The following BLNK variants were observed in gnomAD, a reference collection of about 807,000 sequenced individuals.
BLNK encodes the protein B cell linker.
A neutral mutation model predicts 73.5 loss-of-function variants in BLNK; 29 were observed. The ratio of observed to expected loss-of-function variants is 0.39; its 90% CI spans 0.29 to 0.54. The LOEUF (loss-of-function observed/expected upper bound fraction) is 0.54. Among genes scored for constraint, BLNK ranks in the 20% least tolerant of loss-of-function variants. The pLI is 0.61. For synonymous variants in BLNK, 176 were observed against 200.8 expected, an observed-to-expected ratio of 0.88 and a Z score of 1.04; for missense variants, 460 against 562.8, an observed-to-expected ratio of 0.82 and a Z score of 1.85.
At chr10:96,210,432 C>T (rs2083920494) in intron 8 of BLNK, 2 of 165,798 alleles carry the variant, frequency 1.2e-5, no homozygotes, top group Non-Finnish European at 2.7e-5. Flanking sequence ...AGGATATTTA[C>T]TCACTCATCT....
intron 13 of BLNK, among the ~76,000 whole-genome samples, chr10:96,201,827 G>T (rs1247323747): frequency 6.6e-6 from 1 of 152,140 alleles, no homozygotes; most frequent in African/African-American, 2.4e-5. Context: ...TAACAAAACA[G>T]CAAAATGCCC....
In BLNK at chr10:96,242,824, A is replaced by G. The variant is rs782818803; in HGVS notation, c.114-40T>C. On this transcript the variant is annotated intron_variant, in intron 2 of 16. Coordinates refer to ENST00000224337, the MANE Select transcript of BLNK (RefSeq NM_013314.4). Reference sequence around the variant, plus strand: ...CATGAGACAAAAGGTCAGTGAGCAGAACAATGATGGTCAAAGCCGATGCTA... The same window carrying G: ...CATGAGACAAAAGGTCAGTGAGCAGGACAATGATGGTCAAAGCCGATGCTA... 3.2e-6 allele frequency: 5 copies of G among 1,548,344 alleles called. 1 individual carries two copies. The South Asian group carries it at 5.6e-5, about 17-fold the overall frequency.
intron 4 of BLNK, among the ~76,000 whole-genome samples, chr10:96,228,833 C>G (rs1174279092): frequency 2.6e-5 from 4 of 152,212 alleles, no homozygotes; most frequent in African/African-American, 9.6e-5. Flanking sequence ...CACACTCTGC[C>G]TATCACATTG....
chr10:96,267,351 G>A (rs1844049387), intron 1 of BLNK, among the ~76,000 whole-genome samples: 1 of 152,174 alleles, frequency 6.6e-6, no homozygotes, highest in Admixed American at 6.5e-5. Flanking sequence ...GGTGTGGTAG[G>A]TGAGTGGGTG....
chr10:96,235,024 G>C (rs1412264378), intron 3 of BLNK, among the ~76,000 whole-genome samples: 2 of 152,196 alleles, frequency 1.3e-5, no homozygotes, highest in African/African-American at 4.8e-5. Context: ...CACAATAGAG[G>C]GACTCCTCCC....
chr10:96,239,766 A>T (rs1554905785), intron 3 of BLNK, among the ~76,000 whole-genome samples: 1 of 152,164 alleles, frequency 6.6e-6, no homozygotes, highest in African/African-American at 2.4e-5. Context: ...TGAATAATAG[A>T]TGGATGCTAC....
intron 8 of BLNK, 110 bp downstream of exon 8, chr10:96,215,211 G>A (rs1213455899): frequency 4.1e-6 from 5 of 1,233,480 alleles, no homozygotes; most frequent in South Asian, 3.7e-5. Flanking sequence ...CTGGCCTTCT[G>A]TTCCCAATAT....
chr10:96,194,281 T>C (rs1554894151), intron 16 of BLNK, among the ~76,000 whole-genome samples: 1 of 152,236 alleles, frequency 6.6e-6, no homozygotes, highest in African/African-American at 2.4e-5. Context: ...TAATGCGGTC[T>C]ACATTTTAAA....
rs541184866 is a variant in BLNK, at chr10:96,256,751, T to C, written c.48-9702A>G. Among the ~76,000 whole-genome samples the C allele has an allele frequency of 2.8e-3, 430 of 151,928 alleles. 3 individuals are homozygous for C. Among genetic ancestry groups the C allele is most frequent in the Admixed American group, 5.7e-3 (87 of 15,250 alleles). ...GAAAAATCGGCTGGCAGTGGTGGCG[T>C]GTGCCTGTAATCCCAGCTACTTGGG... On this transcript the variant is annotated intron_variant, in intron 1 of 16. Coordinates refer to ENST00000224337, the MANE Select transcript of BLNK (RefSeq NM_013314.4).
chr10:96,205,878 G>T (rs782187822), intron 11 of BLNK, among the ~76,000 whole-genome samples: 1 of 152,294 alleles, frequency 6.6e-6, no homozygotes, highest in South Asian at 2.1e-4. Flanking sequence ...TAGCCATGAA[G>T]TCTGCACAGG....
chr10:96,201,173 C>A (rs2083623342), intron 13 of BLNK, 115 bp from the exon 14 acceptor site: 8 of 943,516 alleles, frequency 8.5e-6, no homozygotes, highest in Non-Finnish European at 1.3e-5. Flanking sequence ...CAAAAAAAAT[C>A]CTTAAGGCAA....
intron 1 of BLNK, among the ~76,000 whole-genome samples, chr10:96,263,553 G>C (rs549722448): frequency 7.5e-6 from 1 of 132,796 alleles, no homozygotes; most frequent in Admixed American, 9.0e-5. Context: ...GCTGCAAAAG[G>C]GTTGTGAAAA....
intron 1 of BLNK, among the ~76,000 whole-genome samples, chr10:96,267,600 A>G (rs1029330109): frequency 1.2e-4 from 19 of 152,356 alleles, no homozygotes; most frequent in African/African-American, 4.6e-4. Context: ...TGAGACCCCT[A>G]CCAGGAAGAC....
At chr10:96,215,254 C>A (rs1352927642) in intron 8 of BLNK, 67 bp downstream of exon 8, 10 of 1,478,152 alleles carry the variant, frequency 6.8e-6, no homozygotes, top group Non-Finnish European at 9.5e-6. Context: ...GATTACTCTT[C>A]ATAGTTGATC....
chr10:96,214,530 T>TA (rs2084019890), intron 8 of BLNK, among the ~76,000 whole-genome samples: 1 of 151,966 alleles, frequency 6.6e-6, no homozygotes, highest in Non-Finnish European at 1.5e-5. Flanking sequence ...TGGTCACAGC[T>TA]AAAATGGAAC....
At position 96,197,013 on chromosome 10, in the gene BLNK, T is replaced by C; in HGVS notation, c.1146A>G (p.Pro382=). 1 of 1,613,212 alleles carries C rather than the reference T, an allele frequency of 6.2e-7. No individual in the cohort carries two copies. The highest frequency in any genetic ancestry group is 1.3e-5 in the African/African-American group (1 of 75,026). ...TATTAAAGAATACAACTAGTGTATA[T>C]GGTTGTTTGGAATCATGGCCAGAGC... is the stretch of plus-strand genomic sequence containing the variant. The part of the protein sequence containing the change: ...RKSSGHDSKQ[P]YTLVVFFNKR... Residue 382 remains proline (P), a synonymous_variant, in exon 16 of 17, where the codon CCA becomes CCG. Coordinates refer to ENST00000224337, the MANE Select transcript of BLNK (RefSeq NM_013314.4).
At chr10:96,217,477 T>C (rs1364959286) in intron 6 of BLNK, among the ~76,000 whole-genome samples, 2 of 152,344 alleles carry the variant, frequency 1.3e-5, no homozygotes, top group Middle Eastern at 3.4e-3. Context: ...ACACTTGTTA[T>C]CATCCTTTTT....
At chr10:96,236,233 C>A (rs1842685499) in intron 3 of BLNK, among the ~76,000 whole-genome samples, 1 of 152,132 alleles carries the variant, frequency 6.6e-6, no homozygotes, top group Non-Finnish European at 1.5e-5. Flanking sequence ...TACCCGGCCG[C>A]CAGACCCTGC....
At chr10:96,222,581 T>A (rs782379241) in intron 6 of BLNK, among the ~76,000 whole-genome samples, 9 of 151,992 alleles carry the variant, frequency 5.9e-5, no homozygotes, top group Non-Finnish European at 1.3e-4. Flanking sequence ...AAACCCAGAG[T>A]TGGATGCTGG....
Sources: gnomAD v4.1 joint callset for allele counts (sites outside exome capture counted in the v4.1 genomes callset) on GRCh38, gnomAD v4.1.1 for gene constraint, MANE v1.5 for transcripts, NCBI Gene and HGNC (gene_info 2026-07-23, HGNC 2026-07-21) for gene names.